ILRUN: variants seen among roughly 807,000 people sequenced by gnomAD.
ILRUN encodes inflammation and lipid regulator with UBA-like and NBR1-like domains.
ILRUN carries 3 observed loss-of-function variants against 33.8 expected under a neutral mutation model. The observed-to-expected ratio is 0.09, with a 90% CI of 0.04 to 0.23. ILRUN has a LOEUF of 0.23. Ranked by LOEUF, ILRUN falls within the 10% of genes least tolerant of loss-of-function variation. The pLI is 1.00. For missense variants in ILRUN, 210 were observed against 375.1 expected, an observed-to-expected ratio of 0.56 and a Z score of 3.64; for synonymous variants, 124 against 138.9, an observed-to-expected ratio of 0.89 and a Z score of 0.75.
intron 4 of ILRUN, among the ~76,000 whole-genome samples, chr6:34,601,496 A>G (rs1561996869): frequency 1.3e-5 from 2 of 152,198 alleles, no homozygotes; most frequent in Non-Finnish European, 2.9e-5. Flanking sequence ...CATAAGCACT[A>G]GCCCAGTTGA....
chr6:34,616,731 G>C (rs1428372059), intron 3 of ILRUN: 12 of 748,150 alleles, frequency 1.6e-5, no homozygotes, highest in Non-Finnish European at 2.6e-5. Flanking sequence ...CAAATGGCAA[G>C]GATGGCAAGA....
chr6:34,652,795 C>G (rs1582080721), intron 2 of ILRUN, among the ~76,000 whole-genome samples: 1 of 152,194 alleles, frequency 6.6e-6, no homozygotes, highest in African/African-American at 2.4e-5. Context: ...TTCGACCAGT[C>G]AACATAAATT....
intron 3 of ILRUN, among the ~76,000 whole-genome samples, chr6:34,613,263 T>A (rs559697052): frequency 6.6e-6 from 1 of 151,844 alleles, no homozygotes; most frequent in East Asian, 1.9e-4. Flanking sequence ...CCAAAGCCAA[T>A]CAAACAAATT....
intron 3 of ILRUN, among the ~76,000 whole-genome samples, chr6:34,607,968 C>T (rs1217248388): frequency 6.6e-6 from 1 of 152,090 alleles, no homozygotes; most frequent in East Asian, 1.9e-4. Context: ...TGGTGCTCGC[C>T]TGTAGTCCCA....
chr6:34,660,704 C>CT (rs1762870539), intron 1 of ILRUN, among the ~76,000 whole-genome samples: 1 of 151,454 alleles, frequency 6.6e-6, no homozygotes, highest in African/African-American at 2.4e-5. Context: ...AATAGATGCT[C>CT]TTAACCAGGG....
intron 2 of ILRUN, among the ~76,000 whole-genome samples, chr6:34,647,096 T>C (rs1582075732): frequency 1.3e-5 from 2 of 152,106 alleles, no homozygotes; most frequent in Non-Finnish European, 2.9e-5. Flanking sequence ...ACTGAATCTG[T>C]AGAACCTAAG....
chr6:34,654,599 G>C (rs1233244316), intron 2 of ILRUN, 26 bp downstream of exon 2: 1 of 1,581,208 alleles, frequency 6.3e-7, no homozygotes, highest in Admixed American at 1.9e-5. Flanking sequence ...AACTAGGCAA[G>C]GGAGGATTGC....
At chr6:34,655,119 CTT>C (rs1422811705) in intron 1 of ILRUN, among the ~76,000 whole-genome samples, 1 of 152,026 alleles carries the variant, frequency 6.6e-6, no homozygotes, top group Non-Finnish European at 1.5e-5. Context: ...AGAAGCACTA[CTT>C]TTTATTTTGT....
chr6:34,623,187 T>C (rs1310274066), intron 3 of ILRUN, among the ~76,000 whole-genome samples: 1 of 152,226 alleles, frequency 6.6e-6, no homozygotes, highest in Non-Finnish European at 1.5e-5. Context: ...ATATACTTAT[T>C]GCCAGTGAAC....
chr6:34,621,527 T>C (rs1387697326), intron 3 of ILRUN, among the ~76,000 whole-genome samples: 1 of 152,006 alleles, frequency 6.6e-6, no homozygotes, highest in African/African-American at 2.4e-5. Context: ...TGAAAATAAT[T>C]TTGAAAAAGA....
In ILRUN at chr6:34,641,092, A is replaced by C. The variant is rs372164486; in HGVS notation, c.511+5509T>G. ...GGACTCCATCTCAAAAAAAAAAAAA[A>C]AAAAACAAATTATAGAAACAACCAC... On this transcript the variant is annotated intron_variant, in intron 3 of 4. Transcript: ENST00000374023. Among the ~76,000 whole-genome samples the C allele has an allele frequency of 3.5e-3, 529 of 151,694 alleles. 3 individuals are homozygous for C. The highest frequency in any genetic ancestry group is 7.5e-3 in the African/African-American group (311 of 41,394).
At chr6:34,665,534 C>T (rs898493119) in intron 1 of ILRUN, among the ~76,000 whole-genome samples, 1 of 152,108 alleles carries the variant, frequency 6.6e-6, no homozygotes, top group South Asian at 2.1e-4. Context: ...AATCCTCCCA[C>T]CTCAGCCTCC....
intron 1 of ILRUN, among the ~76,000 whole-genome samples, chr6:34,691,505 C>G (rs903066232): frequency 1.3e-5 from 2 of 152,116 alleles, no homozygotes; most frequent in Admixed American, 6.6e-5. Context: ...CTAAATTTAA[C>G]AAATAGAGGC....
intron 1 of ILRUN, among the ~76,000 whole-genome samples, chr6:34,656,069 TA>T (rs936512406): frequency 4.0e-5 from 6 of 151,680 alleles, no homozygotes; most frequent in Admixed American, 2.6e-4. Flanking sequence ...CCGTCTCTAC[TA>T]AAAAAAGTAC....
intron 1 of ILRUN, among the ~76,000 whole-genome samples, chr6:34,667,675 T>C (rs1468850726): frequency 1.3e-5 from 2 of 152,226 alleles, no homozygotes; most frequent in East Asian, 1.9e-4. Flanking sequence ...TAACATAATA[T>C]GCCTCCTGAT....
Position 34,646,721 on chromosome 6 carries a change from C to G in ILRUN, c.391G>C (p.Val131Leu), listed in dbSNP as rs1361158853. The change falls in exon 3 of 5, where the codon GTG becomes CTG. Residue 131 changes from valine (V) to leucine (L), a missense_variant. This residue lies in a region of ILRUN where 60 missense variants were observed against 138.1 expected (regional missense o/e 0.43). Coordinates refer to ENST00000374023, the MANE Select transcript of ILRUN (RefSeq NM_024294.4). This position sits in a 1 kb window ranked among gnomAD's most constrained non-coding sequence, Gnocchi z 4.9. The stretch of plus-strand genomic sequence containing the variant: ...ATCTCTTGGGGCTCTAGCGATCTCA[C>G]CATCACCATGTTCACATGTCCAAAT... ...DQFGHVNMVM[V>L]RSLEPQEIAD... The G allele has an allele frequency of 1.2e-6, 2 of 1,614,166 alleles. No individual in the cohort carries two copies. The highest frequency in any genetic ancestry group is 3.3e-5 in the Admixed American group (2 of 60,018).
chr6:34,679,882 G>C (rs750909606), intron 1 of ILRUN, among the ~76,000 whole-genome samples: 1 of 152,228 alleles, frequency 6.6e-6, no homozygotes, highest in Non-Finnish European at 1.5e-5. Context: ...GCCAAGGAAG[G>C]CCAAAGATTG....
chr6:34,665,706 A>C (rs1762981102), intron 1 of ILRUN, among the ~76,000 whole-genome samples: 1 of 152,100 alleles, frequency 6.6e-6, no homozygotes, highest in South Asian at 2.1e-4. Context: ...TGGGATTACA[A>C]GTATGAGCCA....
chr6:34,673,327 T>C (rs1415981291), intron 1 of ILRUN, among the ~76,000 whole-genome samples: 1 of 152,168 alleles, frequency 6.6e-6, no homozygotes, highest in Non-Finnish European at 1.5e-5. Flanking sequence ...TCCAACGTTC[T>C]AGAAAAGAAT....
Sources: gnomAD v4.1 joint callset for allele counts (sites outside exome capture counted in the v4.1 genomes callset) on GRCh38, gnomAD v4.1.1 for gene constraint, gnomAD v4.1.1 regional missense constraint, Gnocchi (gnomAD v3.1) non-coding constraint, MANE v1.5 for transcripts, NCBI Gene and HGNC (gene_info 2026-07-23, HGNC 2026-07-21) for gene names.